Variants in KCTD15 observed in about 807,000 individuals in gnomAD.
KCTD15 encodes BTB/POZ domain-containing protein KCTD15.
In KCTD15, 11 loss-of-function variants were observed where a neutral mutation model predicts 27.2. The observed-to-expected ratio is 0.41, with a 90% CI of 0.25 to 0.67. The LOEUF (loss-of-function observed/expected upper bound fraction) is 0.67, where lower values mean the gene tolerates loss of function less well. KCTD15 is among the 30% of genes least tolerant of loss of function. The pLI is 0.35. For synonymous variants in KCTD15, 163 were observed against 176.0 expected, an observed-to-expected ratio of 0.93 and a Z score of 0.58; for missense variants, 350 against 409.3, an observed-to-expected ratio of 0.86 and a Z score of 1.25.
intron 2 of KCTD15, among the ~76,000 whole-genome samples, chr19:33,799,225 G>A (rs2145432383): frequency 6.6e-6 from 1 of 152,298 alleles, no homozygotes; most frequent in South Asian, 2.1e-4. Context: ...GGCACTCAGG[G>A]AGAGCAACCT....
At chr19:33,802,179 A>C (rs1032475854) in intron 4 of KCTD15, among the ~76,000 whole-genome samples, 1 of 152,070 alleles carries the variant, frequency 6.6e-6, no homozygotes. Context: ...GGTCTTGAGC[A>C]GCTTGCTCAG....
chr19:33,808,989 A>T (rs751050864), intron 5 of KCTD15, among the ~76,000 whole-genome samples: 1 of 151,888 alleles, frequency 6.6e-6, no homozygotes, highest in Admixed American at 6.6e-5. Flanking sequence ...TTTTTTAATT[A>T]AAAAAGGCCG....
Position 33,801,411 on chromosome 19 carries a change from G to T in KCTD15, c.242+69G>T, listed in dbSNP as rs1472432753. The T allele has an allele frequency of 7.2e-6, 10 of 1,397,062 alleles. No individual in the cohort carries two copies. The Admixed American group carries it at 1.4e-4, about 19-fold the overall frequency. The allele number at this position is 1,397,062 out of a possible 1,614,324, so 86.5% of individuals were successfully genotyped here. ...GCAGCATCTGTAATCTGCTGCCTAG[G>T]GGGTGGGGTCTCTCCCCACTGTCAC... On this transcript the variant is annotated intron_variant, in intron 4 of 6. Transcript: ENST00000683859.
chr19:33,800,214 T>C (rs190953242), intron 2 of KCTD15, among the ~76,000 whole-genome samples: 1 of 152,246 alleles, frequency 6.6e-6, no homozygotes, highest in Admixed American at 6.5e-5. Context: ...TGTGTGTGCA[T>C]GTATGTGTGT....
At chr19:33,811,976 G>T in intron 6 of KCTD15, 2 of 1,493,702 alleles carry the variant, frequency 1.3e-6, no homozygotes, top group Non-Finnish European at 1.8e-6. Context: ...CCCACCAGCT[G>T]CCAAGAGAAT....
intron 5 of KCTD15, among the ~76,000 whole-genome samples, chr19:33,810,587 C>T (rs931425437): frequency 6.7e-6 from 1 of 150,068 alleles, no homozygotes; most frequent in Non-Finnish European, 1.5e-5. Context: ...GGCTGAGGCA[C>T]GAGAATTGTG....
chr19:33,806,880 A>G lies in KCTD15; in HGVS notation c.260A>G (p.Asn87Ser), dbSNP rs773040597. The change falls in exon 5 of 7, where the codon AAT becomes AGT. Residue 87 changes from asparagine to serine, a missense_variant. Transcript: ENST00000683859. Reference sequence around the variant, plus strand: ...TCTCCCAGGATAAGCCGCCTCTTCAATGGCACTGAACCCATCGTCCTGGAC... The same window carrying G: ...TCTCCCAGGATAAGCCGCCTCTTCAGTGGCACTGAACCCATCGTCCTGGAC... ...YPDSRISRLFNGTEPIVLDSL... is the reference protein window; with the variant it reads ...YPDSRISRLFSGTEPIVLDSL... 1.2e-5 allele frequency: 19 copies of G among 1,613,918 alleles called. No homozygotes were observed. In the East Asian group the frequency reaches 3.1e-4, roughly 27 times the overall value.
chr19:33,812,239 G>C (rs1475905336), intron 6 of KCTD15: 3 of 1,046,612 alleles, frequency 2.9e-6, no homozygotes, highest in Non-Finnish European at 3.4e-6. Flanking sequence ...AACCCACATA[G>C]TTGTGGACGC....
chr19:33,798,867 G>C (rs1482097140), intron 2 of KCTD15, 101 bp downstream of exon 2: 1 of 152,378 alleles, frequency 6.6e-6, no homozygotes, highest in Non-Finnish European at 1.5e-5. Flanking sequence ...TGGTGTTCAC[G>C]TCACTTTGGA....
Position 33,797,267 on chromosome 19 carries a change from TGTGTGTGTGTGTGTGTGCGCGC to T in KCTD15, c.-127+282_-127+303del, listed in dbSNP as rs879920657. 1.4e-3 allele frequency: 423 copies of T among 301,054 alleles called. 6 individuals carry two copies. The highest frequency in any genetic ancestry group is 5.3e-3 in the Middle Eastern group (5 of 948). The allele number at this position is 301,054 out of a possible 1,614,324, so 18.6% of individuals were successfully genotyped here. On this transcript the variant is annotated intron_variant, in intron 1 of 6. Transcript: ENST00000683859. ...CGCGCGGTGTGTGTGTGTGTGTGTG[TGTGTGTGTGTGTGTGTGCGCGC>T]GCGCGCGCGCGCGCTTGTGGAGGTC... is the stretch of plus-strand genomic sequence containing the variant.
In KCTD15 at chr19:33,813,198, C is replaced by T. The variant is rs559864093; in HGVS notation, c.*250C>T. 6.3e-6 allele frequency: 4 copies of T among 631,620 alleles called. No individual in the cohort carries two copies. The highest frequency in any genetic ancestry group is 1.1e-5 in the Non-Finnish European group (4 of 348,334). 39.1% of individuals were successfully genotyped at this position (631,620 alleles called of 1,614,324 possible). The stretch of plus-strand genomic sequence containing the variant: ...GGATCTCTGCTGCCAGCTCTCCCAG[C>T]CCCTCAGCTTCGCAGCCTGGCGCAG... On this transcript the variant is annotated 3_prime_UTR_variant, in exon 7 of 7. Transcript: ENST00000683859.
chr19:33,797,417 C>G, intron 1 of KCTD15: 1 of 454,852 alleles, frequency 2.2e-6, no homozygotes, highest in South Asian at 1.6e-5. Flanking sequence ...ATGCACAAGT[C>G]CCGGCTTGGC....
intron 6 of KCTD15, chr19:33,812,217 C>G: frequency 1.9e-6 from 2 of 1,070,048 alleles, no homozygotes; most frequent in Non-Finnish European, 1.1e-6. Context: ...ACCTCACCCT[C>G]ACAGAGGCAC....
chr19:33,801,576 G>A (rs1284338729), intron 4 of KCTD15: 3 of 424,502 alleles, frequency 7.1e-6, no homozygotes, highest in Admixed American at 8.5e-5. Context: ...AGTGCAAGGT[G>A]GAGCTCCTGA....
At chr19:33,812,014 C>G in intron 6 of KCTD15, 1 of 1,452,148 alleles carries the variant, frequency 6.9e-7, no homozygotes, top group Non-Finnish European at 9.0e-7. Context: ...CTGGATGGGT[C>G]CAAGAATTGG....
intron 4 of KCTD15, among the ~76,000 whole-genome samples, chr19:33,804,228 C>T (rs1975647798): frequency 6.6e-6 from 1 of 152,220 alleles, no homozygotes; most frequent in Admixed American, 6.5e-5. Context: ...GGTACAGCTG[C>T]CGCTTGATCC....
At chr19:33,811,101 G>A (rs1041100560) in intron 5 of KCTD15, 146 bp from the exon 6 acceptor site, 2 of 687,786 alleles carry the variant, frequency 2.9e-6, no homozygotes, top group Non-Finnish European at 4.8e-6. Flanking sequence ...CTGTACAATG[G>A]GTGCAACCGG....
rs777778378 is a variant in KCTD15, at chr19:33,813,219, C to CG, written c.*272dup. 1.1e-4 allele frequency: 72 copies of CG among 641,150 alleles called. No individual in the cohort carries two copies. Among genetic ancestry groups the CG allele is most frequent in the Admixed American group, 2.2e-5 (1 of 45,568 alleles). The allele number at this position is 641,150 out of a possible 1,614,324, so 39.7% of individuals were successfully genotyped here. On this transcript the variant is annotated 3_prime_UTR_variant, in exon 7 of 7. Coordinates refer to ENST00000683859, the MANE Select transcript of KCTD15 (RefSeq NM_001129994.2). ...CCAGCCCCTCAGCTTCGCAGCCTGG[C>CG]GCAGCATCCTCTGAGGCCCCGGGGC...
upstream of KCTD15, chr19:33,796,246 C>T (rs913753884): frequency 2.0e-5 from 3 of 150,624 alleles, no homozygotes; most frequent in African/African-American, 7.3e-5. Context: ...CCGGAGGAGG[C>T]CCGGGCGCCG....
Sources: allele counts gnomAD v4.1 joint callset (sites outside exome capture counted in the v4.1 genomes callset), GRCh38; gene constraint gnomAD v4.1.1; transcripts MANE v1.5; gene names NCBI Gene and HGNC (gene_info 2026-07-23, HGNC 2026-07-21).